Variants in AIFM1 observed in about 807,000 individuals in gnomAD.
AIFM1 encodes the protein apoptosis inducing factor mitochondria associated 1.
In AIFM1, 3 loss-of-function variants were observed where a neutral mutation model predicts 51.7. The ratio of observed to expected loss-of-function variants is 0.06; its 90% CI spans 0.03 to 0.15. The LOEUF (loss-of-function observed/expected upper bound fraction) is 0.15, where lower values mean the gene tolerates loss of function less well. Among genes scored for constraint, AIFM1 ranks in the 10% least tolerant of loss-of-function variants. AIFM1 has a pLI of 1.00. For synonymous variants in AIFM1, 178 were observed against 179.4 expected (o/e 0.99, Z 0.06); for missense variants, 330 against 476.8 (o/e 0.69, Z 2.87).
At chrX:130,129,883 A>G (rs1603218722) in intron 15 of AIFM1, 87 bp downstream of exon 15, 2 of 1,093,589 alleles carry the variant, frequency 1.8e-6, no homozygotes, top group South Asian at 1.8e-5. Flanking sequence ...CCGGGGGACA[A>G]TGCATCTCAG....
At chrX:130,143,417 T>G (rs1274958997) in intron 6 of AIFM1, among the ~76,000 whole-genome samples, 1 of 111,913 alleles carries the variant, frequency 8.9e-6, no homozygotes, top group East Asian at 2.8e-4. Flanking sequence ...CACTCAGACA[T>G]GCAGGCTAGA....
rs182851520 is a variant in AIFM1 at position 130,136,245 on chromosome X, G to C, written c.1165-60C>G. The C allele has an allele frequency of 1.8e-4, 204 of 1,147,992 alleles. 1 individual carries two copies. In the African/African-American group the frequency reaches 3.1e-3, roughly 18 times the overall value. 94.6% of individuals were successfully genotyped at this position (1,147,992 alleles called of 1,213,427 possible). On this transcript the variant is annotated intron_variant, in intron 11 of 15. Coordinates refer to ENST00000287295, the MANE Select transcript of AIFM1 (RefSeq NM_004208.4). ...ACAGTTTCCATTTATGCCTACAGGC[G>C]TAACAATGGCCCTTCATGCCATTAA... is the stretch of plus-strand genomic sequence containing the variant.
rs368062763 is a variant in AIFM1 at position 130,137,060 on chromosome X, T to C, written c.1075+18A>G. 7 of 1,209,284 alleles carry C rather than the reference T, an allele frequency of 5.8e-6. No individual in the cohort carries two copies. In the African/African-American group the frequency reaches 8.8e-5, roughly 15 times the overall value. On this transcript the variant is annotated intron_variant, in intron 10 of 15. Coordinates refer to ENST00000287295, the MANE Select transcript of AIFM1 (RefSeq NM_004208.4). ...TCAAAGGAAATAGAGTGGCAGCATA[T>C]AGAAACAGTCTCTCTACCTCGTCTG...
At chrX:130,151,403 T>A (rs2030973925) in intron 2 of AIFM1, among the ~76,000 whole-genome samples, 1 of 111,189 alleles carries the variant, frequency 9.0e-6, no homozygotes, top group South Asian at 3.8e-4. Context: ...CCTCCCAAAG[T>A]GCTGGGATTA....
At position 130,137,096 on chromosome X, in the gene AIFM1, T is replaced by C. The variant is rs749369271; in HGVS notation, c.1057A>G (p.Met353Val). Residue 353 changes from methionine (M) to valine (V), a missense_variant, in exon 10 of 16, where the codon ATG becomes GTG. Met to Val is a conservative substitution (Grantham distance 21, BLOSUM62 1). Coordinates refer to ENST00000287295, the MANE Select transcript of AIFM1 (RefSeq NM_004208.4). The stretch of plus-strand genomic sequence containing the variant: ...TCTCTACCTCGTCTGACTTTTTCCA[T>C]GGTCCAGTTGCTGAGGTATTCGGGG... ...ILPEYLSNWT[M>V]EKVRREGVKV... The C allele has an allele frequency of 8.3e-7, 1 of 1,209,586 alleles. No homozygotes were observed.
intron 1 of AIFM1, among the ~76,000 whole-genome samples, chrX:130,165,166 G>A (rs760047037): frequency 1.9e-4 from 20 of 105,117 alleles, no homozygotes; most frequent in Admixed American, 8.5e-4. Context: ...AAGAAACTTA[G>A]GCGTAGGGCT....
intron 2 of AIFM1, among the ~76,000 whole-genome samples, chrX:130,154,706 T>A (rs769264232): frequency 8.9e-6 from 1 of 112,370 alleles, no homozygotes; most frequent in East Asian, 2.8e-4. Context: ...TGCCTTTTCA[T>A]AGTCAAAGTC....
In AIFM1 at chrX:130,156,615, AATTT is replaced by A; in HGVS notation, c.107-16_107-13del. 8.3e-7 allele frequency: 1 copy of A among 1,208,268 alleles called. No homozygotes were observed. ...CTGGAACAAGTTGCCTAAGAAACAT[AATTT>A]ATTAAGACACACACATACAAAAATA... is the stretch of plus-strand genomic sequence containing the variant. On this transcript the variant is annotated splice_polypyrimidine_tract_variant and intron_variant, in intron 1 of 15. Coordinates refer to ENST00000287295, the MANE Select transcript of AIFM1 (RefSeq NM_004208.4).
intron 2 of AIFM1, among the ~76,000 whole-genome samples, chrX:130,154,987 G>A (rs1439362894): frequency 3.6e-5 from 4 of 112,431 alleles, no homozygotes; most frequent in Non-Finnish European, 7.5e-5. Flanking sequence ...TCAACAGTTT[G>A]AAGAATGAGA....
rs1045277210 is a variant in AIFM1 at position 130,138,443 on chromosome X, T to C, written c.967+150A>G. 8.7e-5 allele frequency: 41 copies of C among 471,907 alleles called. 1 individual carries two copies. The highest frequency in any genetic ancestry group is 1.6e-4 in the East Asian group (4 of 25,680). The allele number at this position is 471,907 out of a possible 1,213,427, so 38.9% of individuals were successfully genotyped here. Reference sequence around the variant, plus strand: ...TCGCGCCACTGCACTCCAGCCTGGGTGACAGAGCGAGACTCCATCTCAAAA... The same window carrying C: ...TCGCGCCACTGCACTCCAGCCTGGGCGACAGAGCGAGACTCCATCTCAAAA... On this transcript the variant is annotated intron_variant, in intron 9 of 15. Transcript: ENST00000287295.
At chrX:130,129,867 A>C (rs1052406938) in intron 15 of AIFM1, 103 bp downstream of exon 15, 27 of 1,017,503 alleles carry the variant, frequency 2.7e-5, no homozygotes, top group Non-Finnish European at 3.6e-5. Context: ...GCACAATTTG[A>C]CCTGGCCGGG....
intron 5 of AIFM1, among the ~76,000 whole-genome samples, chrX:130,147,006 C>G (rs932448273): frequency 1.8e-5 from 2 of 110,649 alleles, no homozygotes; most frequent in Admixed American, 9.7e-5. Context: ...CTATAAAATA[C>G]AAAAAATTAG....
At chrX:130,143,327 C>G (rs2124659728) in intron 6 of AIFM1, among the ~76,000 whole-genome samples, 1 of 112,173 alleles carries the variant, frequency 8.9e-6, no homozygotes, top group South Asian at 3.7e-4. Context: ...ACTTAATGGT[C>G]CAAAACTGAA....
At chrX:130,135,981 C>T (rs897095636) in intron 12 of AIFM1, 64 bp downstream of exon 12, 21 of 1,192,972 alleles carry the variant, frequency 1.8e-5, no homozygotes, top group South Asian at 7.1e-5. Flanking sequence ...AGCACACCAC[C>T]GGGCAGACTT....
At chrX:130,139,992 TA>T (rs1332820288) in intron 7 of AIFM1, 121 bp from the exon 8 acceptor site, 14 of 617,459 alleles carry the variant, frequency 2.3e-5, no homozygotes, top group Middle Eastern at 7.4e-4. Flanking sequence ...AACAACAGGA[TA>T]GGATACCAAG....
chrX:130,139,899 A>G (rs1232384965), intron 7 of AIFM1, 28 bp from the exon 8 acceptor site: 3 of 1,157,586 alleles, frequency 2.6e-6, no homozygotes, highest in Admixed American at 4.4e-5. Context: ...AAAACCCTTT[A>G]GCCCAACAAG....
chrX:130,163,535 G>A (rs935518509), intron 1 of AIFM1, among the ~76,000 whole-genome samples: 4 of 111,490 alleles, frequency 3.6e-5, no homozygotes, highest in Admixed American at 2.9e-4. Context: ...ATTTTTAAAG[G>A]CAGATGATGT....
At chrX:130,151,373 T>TCA (rs2030972413) in intron 2 of AIFM1, among the ~76,000 whole-genome samples, 1 of 111,040 alleles carries the variant, frequency 9.0e-6, no homozygotes, top group African/African-American at 3.3e-5. Flanking sequence ...ACTCCTGACC[T>TCA]TGTGATCCAC....
rs1376360976 is a variant in AIFM1 at position 130,145,552 on chromosome X, G to T, written c.623C>A (p.Pro208His). The change falls in exon 6 of 16, where the codon CCT (proline) becomes CAT (histidine). Residue 208 changes from proline (P) to histidine (H), a missense_variant. By Grantham distance (77) the Pro-to-His change is moderately conservative. Transcript: ENST00000287295. ...GKERSIYFQP[P>H]SFYVSAQDLP... The stretch of plus-strand genomic sequence containing the variant: ...GTCCTGAGCAGAGACATAGAAAGAA[G>T]GTGGCTGGAAATATATGCTGTATGG... The T allele has an allele frequency of 8.3e-7, 1 of 1,204,106 alleles. No individual in the cohort carries two copies. Among genetic ancestry groups the T allele is most frequent in the Admixed American group, 2.2e-5 (1 of 45,980 alleles).
Sources: gnomAD v4.1 joint callset for allele counts (sites outside exome capture counted in the v4.1 genomes callset) on GRCh38, gnomAD v4.1.1 for gene constraint, MANE v1.5 for transcripts, NCBI Gene and HGNC (gene_info 2026-07-23, HGNC 2026-07-21) for gene names.